RSPO2: variants seen among roughly 807,000 people sequenced by gnomAD.
RSPO2 encodes the protein R-spondin-2.
Under a neutral mutation model 30.9 loss-of-function variants are expected in RSPO2, and 14 were observed. That is an observed-to-expected ratio of 0.45 (90% CI 0.30 to 0.71). The LOEUF (loss-of-function observed/expected upper bound fraction) is 0.71. Ranked by LOEUF, RSPO2 falls within the 30% of genes least tolerant of loss-of-function variation. The pLI is 0.08. For synonymous variants in RSPO2, 107 were observed against 96.4 expected (o/e 1.11, Z -0.64); for missense variants, 264 against 301.9 (o/e 0.87, Z 0.93).
chr8:108,082,479 G>C lies in RSPO2; in HGVS notation c.94+66C>G, dbSNP rs1813236152. ...CCATCTGAGCCCCCGGAGCCAGGGCGTGAGTGAGCGCCTCCACACGCCACC... is the reference window on the plus strand; with the variant it reads ...CCATCTGAGCCCCCGGAGCCAGGGCCTGAGTGAGCGCCTCCACACGCCACC... On this transcript the variant is annotated intron_variant, in intron 2 of 5. Coordinates refer to ENST00000276659, the MANE Select transcript of RSPO2 (RefSeq NM_178565.5). The C allele has an allele frequency of 3.2e-6, 4 of 1,260,124 alleles. No individual in the cohort carries two copies. The East Asian group carries it at 9.3e-5, about 29-fold the overall frequency. 78.1% of individuals were successfully genotyped at this position (1,260,124 alleles called of 1,614,324 possible). A position where few individuals can be genotyped will look rare whatever the true frequency, so the allele number is the denominator to read the frequency against.
intron 2 of RSPO2, among the ~76,000 whole-genome samples, chr8:108,067,911 A>C (rs1470275359): frequency 6.6e-6 from 1 of 152,180 alleles, no homozygotes; most frequent in Non-Finnish European, 1.5e-5. Flanking sequence ...TCTACTAAAA[A>C]TACAAAAATT....
intron 5 of RSPO2, among the ~76,000 whole-genome samples, chr8:107,952,651 C>T (rs772778106): frequency 2.0e-5 from 3 of 152,254 alleles, no homozygotes; most frequent in South Asian, 2.1e-4. Flanking sequence ...ATATGTCCAT[C>T]GCATATTTTC....
chr8:108,003,553 T>C (rs1815353339), intron 2 of RSPO2, among the ~76,000 whole-genome samples: 1 of 151,660 alleles, frequency 6.6e-6, no homozygotes, highest in Non-Finnish European at 1.5e-5. Flanking sequence ...TTCACAGCAA[T>C]CCATACCTTA....
intron 5 of RSPO2, among the ~76,000 whole-genome samples, chr8:107,908,353 T>C (rs1811718390): frequency 6.6e-6 from 1 of 152,210 alleles, no homozygotes; most frequent in African/African-American, 2.4e-5. Context: ...GATTCTGTGG[T>C]GTTTCACATA....
rs576755238 is a variant in RSPO2, at chr8:107,925,579, G to A, written c.617-24389C>T. On this transcript the variant is annotated intron_variant, in intron 5 of 5. Coordinates refer to ENST00000276659, the MANE Select transcript of RSPO2 (RefSeq NM_178565.5). Reference sequence around the variant, plus strand: ...CTCCTCCCACCCCACATCAGGCCCCGGTGTGTGATGTTCCCCTTCCTGTGT... The same window carrying A: ...CTCCTCCCACCCCACATCAGGCCCCAGTGTGTGATGTTCCCCTTCCTGTGT... Among the ~76,000 whole-genome samples, 134 of 149,846 alleles carry A rather than the reference G, an allele frequency of 8.9e-4. 3 individuals are homozygous for A. In the South Asian group the frequency reaches 0.025, roughly 28 times the overall value.
chr8:107,994,977 C>T (rs921192348), intron 2 of RSPO2, among the ~76,000 whole-genome samples: 1 of 152,020 alleles, frequency 6.6e-6, no homozygotes, highest in African/African-American at 2.4e-5. Flanking sequence ...GAGAGTCTTC[C>T]TTCTTCCCCA....
chr8:107,915,758 G>T (rs1167955907), intron 5 of RSPO2, among the ~76,000 whole-genome samples: 6 of 152,148 alleles, frequency 3.9e-5, no homozygotes, highest in African/African-American at 1.2e-4. Context: ...CTCTTCGCAG[G>T]TGACTAGTGT....
At chr8:108,075,681 T>TGC (rs1812989764) in intron 2 of RSPO2, among the ~76,000 whole-genome samples, 1 of 151,386 alleles carries the variant, frequency 6.6e-6, no homozygotes, top group African/African-American at 2.4e-5. Flanking sequence ...TATACCTGTT[T>TGC]TTTTTTTTAA....
At chr8:107,908,729 A>C (rs554656429) in intron 5 of RSPO2, among the ~76,000 whole-genome samples, 19 of 152,308 alleles carry the variant, frequency 1.2e-4, no homozygotes, top group Middle Eastern at 3.4e-3. Flanking sequence ...GTAAAAATAT[A>C]ATTGCACTGC....
At chr8:108,056,933 C>T (rs1231516200) in intron 2 of RSPO2, among the ~76,000 whole-genome samples, 3 of 149,814 alleles carry the variant, frequency 2.0e-5, no homozygotes, top group Non-Finnish European at 3.0e-5. Context: ...GGCACATGCC[C>T]GTAATCCCAG....
At chr8:108,010,014 A>C (rs1205884732) in intron 2 of RSPO2, among the ~76,000 whole-genome samples, 1 of 151,922 alleles carries the variant, frequency 6.6e-6, no homozygotes, top group East Asian at 1.9e-4. Flanking sequence ...GTGCCACTGC[A>C]CTCCAGCCTG....
intron 5 of RSPO2, among the ~76,000 whole-genome samples, chr8:107,913,827 T>C (rs1811896262): frequency 6.6e-6 from 1 of 152,088 alleles, no homozygotes. Flanking sequence ...ACATACAATA[T>C]AAACTAAAAT....
intron 3 of RSPO2, among the ~76,000 whole-genome samples, chr8:107,968,394 A>G (rs1287461729): frequency 2.0e-5 from 3 of 152,106 alleles, no homozygotes; most frequent in African/African-American, 7.2e-5. Context: ...GGAGCTAAAA[A>G]AGTAGATCTC....
chr8:108,058,082 T>C (rs575556330), intron 2 of RSPO2, among the ~76,000 whole-genome samples: 1 of 152,086 alleles, frequency 6.6e-6, no homozygotes, highest in Non-Finnish European at 1.5e-5. Flanking sequence ...TTCCAGTTTT[T>C]GCCCATTCAG....
chr8:107,932,329 G>A (rs923715114), intron 5 of RSPO2, among the ~76,000 whole-genome samples: 7 of 152,164 alleles, frequency 4.6e-5, no homozygotes, highest in South Asian at 2.1e-4. Flanking sequence ...GAGGAGTTTC[G>A]GGTGACTTCT....
At chr8:107,945,719 A>C (rs1813040156) in intron 5 of RSPO2, among the ~76,000 whole-genome samples, 1 of 151,904 alleles carries the variant, frequency 6.6e-6, no homozygotes, top group Non-Finnish European at 1.5e-5. Flanking sequence ...CATTTATTCA[A>C]TTGTCCCATA....
chr8:108,012,190 G>GT (rs1181479934), intron 2 of RSPO2, among the ~76,000 whole-genome samples: 2 of 152,124 alleles, frequency 1.3e-5, no homozygotes, highest in Non-Finnish European at 2.9e-5. Flanking sequence ...ACCAAGACTG[G>GT]TTTTTTAAAC....
intron 2 of RSPO2, among the ~76,000 whole-genome samples, chr8:107,994,662 G>A (rs75347945): frequency 0.027 from 4,124 of 152,078 alleles, 147 homozygotes; most frequent in African/African-American, 0.081. Flanking sequence ...GCCAAGCAAG[G>A]TCATAAATAC....
In RSPO2 at chr8:107,965,248, G is replaced by A. The variant is rs990026155; in HGVS notation, c.284-4431C>T. On this transcript the variant is annotated intron_variant, in intron 3 of 5. Transcript: ENST00000276659. ...CACCGAATGAGGACTGCCAATATTGGTTTAAGTAAAATTACTGTCCAAGTG... is the reference window on the plus strand; with the variant it reads ...CACCGAATGAGGACTGCCAATATTGATTTAAGTAAAATTACTGTCCAAGTG... Among the ~76,000 whole-genome samples, 7 of 152,118 alleles carry A rather than the reference G, an allele frequency of 4.6e-5. 1 individual carries two copies. Among genetic ancestry groups the A allele is most frequent in the Non-Finnish European group, 8.8e-5 (6 of 68,032 alleles).
Sources: allele counts gnomAD v4.1 joint callset (sites outside exome capture counted in the v4.1 genomes callset), GRCh38; gene constraint gnomAD v4.1.1; transcripts MANE v1.5; gene names NCBI Gene and HGNC (gene_info 2026-07-23, HGNC 2026-07-21).